The following PLEKHM2 variants were observed in gnomAD, a reference collection of about 807,000 sequenced individuals.
PLEKHM2 encodes pleckstrin homology domain-containing family M member 2.
A neutral mutation model predicts 116.3 loss-of-function variants in PLEKHM2; 77 were observed. That is an observed-to-expected ratio of 0.66 (90% CI 0.55 to 0.80). The LOEUF (loss-of-function observed/expected upper bound fraction) is 0.80. PLEKHM2 is among the 30% of genes least tolerant of loss of function. PLEKHM2 has a pLI of 0.00. For missense variants in PLEKHM2, 1,183 were observed against 1,354.9 expected, an observed-to-expected ratio of 0.87 and a Z score of 1.99; for synonymous variants, 562 against 571.0, an observed-to-expected ratio of 0.98 and a Z score of 0.22.
In PLEKHM2 at chr1:15,725,421, A is replaced by C; in HGVS notation, c.817A>C (p.Asn273His). 1 of 1,557,240 alleles carries C rather than the reference A, an allele frequency of 6.4e-7. No individual in the cohort carries two copies. Among genetic ancestry groups the C allele is most frequent in the Non-Finnish European group, 8.7e-7 (1 of 1,150,750 alleles). The change falls in exon 8 of 20, where the codon AAC becomes CAC. Residue 273 changes from asparagine to histidine, a missense_variant. Asn to His is a moderately conservative substitution (Grantham distance 68). Transcript: ENST00000375799. Reference sequence around the variant, plus strand: ...CCCCACCCAGCGCCAGAACCCCTTCAACGAGGAGCCGGCAGAGACTGTGTC... The same window carrying C: ...CCCCACCCAGCGCCAGAACCCCTTCCACGAGGAGCCGGCAGAGACTGTGTC... Reference protein sequence around the residue: ...RSPTQRQNPFNEEPAETVSSS... With the variant: ...RSPTQRQNPFHEEPAETVSSS...
chr1:15,688,458 C>T (rs1366993750), intron 1 of PLEKHM2, among the ~76,000 whole-genome samples: 1 of 152,104 alleles, frequency 6.6e-6, no homozygotes, highest in Non-Finnish European at 1.5e-5. Flanking sequence ...TCAAGACCAG[C>T]CTTGCCAACA....
At chr1:15,682,647 A>G (rs1389536020), upstream of PLEKHM2, among the ~76,000 whole-genome samples, 1 of 72,848 alleles carries the variant, frequency 1.4e-5, no homozygotes, top group South Asian at 3.1e-4. Context: ...ACAAAACAAA[A>G]AAAACAAAAA....
intron 1 of PLEKHM2, among the ~76,000 whole-genome samples, chr1:15,694,525 T>C (rs910261410): frequency 1.3e-5 from 2 of 152,112 alleles, no homozygotes; most frequent in Non-Finnish European, 2.9e-5. Context: ...TCCAGCCCTA[T>C]CCTCCTTGGT....
intron 1 of PLEKHM2, among the ~76,000 whole-genome samples, chr1:15,713,352 T>C (rs935322471): frequency 1.3e-5 from 2 of 152,194 alleles, no homozygotes; most frequent in African/African-American, 4.8e-5. Flanking sequence ...ACCAAGCTGT[T>C]GGCAATAGTA....
In PLEKHM2 at chr1:15,730,546, C is replaced by T. The variant is rs373658243; in HGVS notation, c.2223C>T (p.Thr741=). 2.0e-5 allele frequency: 31 copies of T among 1,587,902 alleles called. No individual in the cohort carries two copies. The highest frequency in any genetic ancestry group is 4.0e-5 in the African/African-American group (3 of 74,280). ...CCCCGCATCAGGCATCTGCTGTCACCGTGCGCTTCTACGGCCTTGTGCACT... is the reference window on the plus strand; with the variant it reads ...CCCCGCATCAGGCATCTGCTGTCACTGTGCGCTTCTACGGCCTTGTGCACT... The part of the protein sequence containing the change: ...QESKCEASAV[T]VRFYGLVHWE... The change falls in exon 15 of 20, where the codon ACC becomes ACT. Residue 741 remains threonine, a synonymous_variant. Coordinates refer to ENST00000375799, the MANE Select transcript of PLEKHM2 (RefSeq NM_015164.4).
chr1:15,733,650 C>A, intron 19 of PLEKHM2, 147 bp from the exon 20 acceptor site: 1 of 841,526 alleles, frequency 1.2e-6, no homozygotes. Context: ...GAGAAACTAG[C>A]AGCGTGGAAG....
intron 1 of PLEKHM2, among the ~76,000 whole-genome samples, chr1:15,705,136 C>T (rs1641198116): frequency 6.6e-6 from 1 of 151,162 alleles, no homozygotes; most frequent in Admixed American, 6.6e-5. Flanking sequence ...GATCCATTTC[C>T]ACAGCTGTGT....
intron 1 of PLEKHM2, among the ~76,000 whole-genome samples, chr1:15,688,649 CA>C (rs36016839): frequency 0.42 from 37,567 of 88,840 alleles, 5,813 homozygotes; most frequent in African/African-American, 0.62. Flanking sequence ...GACTCTGTCT[CA>C]AAAAAAAAAA....
In PLEKHM2 at chr1:15,684,460, C is replaced by A; in HGVS notation, c.-99C>A. On this transcript the variant is annotated 5_prime_UTR_variant, in exon 1 of 20. Transcript: ENST00000375799. ...CACGACGGAGCCCCCGTACGGCCGG[C>A]GGCAGCGGTTGGCGGCGGCCCCCGG... 1 of 640,764 alleles carries A rather than the reference C, an allele frequency of 1.6e-6. No homozygotes were observed. Among genetic ancestry groups the A allele is most frequent in the Non-Finnish European group, 1.9e-6 (1 of 516,706 alleles). 39.7% of individuals were successfully genotyped at this position (640,764 alleles called of 1,614,324 possible). A position where few individuals can be genotyped will look rare whatever the true frequency, so the allele number is the denominator to read the frequency against.
intron 1 of PLEKHM2, among the ~76,000 whole-genome samples, chr1:15,690,211 A>G (rs1640863028): frequency 6.6e-6 from 1 of 151,082 alleles, no homozygotes; most frequent in Non-Finnish European, 1.5e-5. Context: ...GATTACGGGC[A>G]CAGACCACCA....
chr1:15,684,633 C>T lies in PLEKHM2; in HGVS notation c.60+15C>T, dbSNP rs1296656776. 2 of 1,266,722 alleles carry T rather than the reference C, an allele frequency of 1.6e-6. No individual in the cohort carries two copies. The highest frequency in any genetic ancestry group is 3.0e-5 in the South Asian group (1 of 33,674). 78.5% of individuals were successfully genotyped at this position (1,266,722 alleles called of 1,614,324 possible). A position where few individuals can be genotyped will look rare whatever the true frequency, so the allele number is the denominator to read the frequency against. ...CGGTGAAGAAGGTGAGCGCGGCCTC[C>T]CTCCCGGCCGGGGCCCCTTCCTCGC... On this transcript the variant is annotated intron_variant, in intron 1 of 19. Transcript: ENST00000375799.
chr1:15,702,158 T>C (rs1641127994), intron 1 of PLEKHM2, among the ~76,000 whole-genome samples: 1 of 152,196 alleles, frequency 6.6e-6, no homozygotes, highest in South Asian at 2.1e-4. Flanking sequence ...CCAGTGACCA[T>C]GCTGTGAGTA....
At chr1:15,717,571 G>C (rs1641471493) in intron 3 of PLEKHM2, among the ~76,000 whole-genome samples, 1 of 152,348 alleles carries the variant, frequency 6.6e-6, no homozygotes, top group East Asian at 1.9e-4. Flanking sequence ...ATCCCAGCCT[G>C]AGCACGTGCT....
intron 1 of PLEKHM2, among the ~76,000 whole-genome samples, chr1:15,708,506 T>C (rs9659579): frequency 0.16 from 24,309 of 152,068 alleles, 3,598 homozygotes; most frequent in African/African-American, 0.4. Context: ...TGAGCCACTG[T>C]GCCCGGTCCG....
chr1:15,723,543 C>CA (rs1189558749), intron 7 of PLEKHM2, among the ~76,000 whole-genome samples: 2 of 151,564 alleles, frequency 1.3e-5, no homozygotes, highest in African/African-American at 2.4e-5. Context: ...AGTTTGAGAC[C>CA]AACCTGGGCA....
At chr1:15,720,061 C>A in intron 6 of PLEKHM2, 141 bp downstream of exon 6, 1 of 615,162 alleles carries the variant, frequency 1.6e-6, no homozygotes, top group African/African-American at 1.9e-5. Context: ...GGCCATTTCC[C>A]AGATCTTCAT....
intron 19 of PLEKHM2, 48 bp from the exon 20 acceptor site, chr1:15,733,749 C>G (rs768446334): frequency 8.8e-6 from 14 of 1,595,830 alleles, no homozygotes; most frequent in Non-Finnish European, 9.4e-6. Context: ...CTGAAGACTC[C>G]TGTGGCCCTC....
rs954099057 is a variant in PLEKHM2 at position 15,729,001 on chromosome 1, G to A, written c.1987-101G>A. ...GCTTTACTTGGTGGTGGCCCGGGGT[G>A]TGCTTCTTCCTCCCCAGCAAGCGCT... On this transcript the variant is annotated intron_variant, in intron 12 of 19. Coordinates refer to ENST00000375799, the MANE Select transcript of PLEKHM2 (RefSeq NM_015164.4). This position sits in a 1 kb window ranked among gnomAD's most constrained non-coding sequence, Gnocchi z 4.7. 24 of 1,098,404 alleles carry A rather than the reference G, an allele frequency of 2.2e-5. No individual in the cohort carries two copies. The South Asian group carries it at 2.6e-4, about 12-fold the overall frequency. The allele number at this position is 1,098,404 out of a possible 1,614,324, so 68.0% of individuals were successfully genotyped here.
In PLEKHM2 at chr1:15,725,553, G is replaced by A. The variant is rs1401594177; in HGVS notation, c.941+8G>A. 6.4e-7 allele frequency: 1 copy of A among 1,550,798 alleles called. No individual in the cohort carries two copies. Among genetic ancestry groups the A allele is most frequent in the Non-Finnish European group, 8.7e-7 (1 of 1,146,186 alleles). ...GGAGCTCGAGGTCATCAGGTCAGCA[G>A]GGAGGGGCCCAGAAAGGAGCTGAGG... On this transcript the variant is annotated splice_region_variant and intron_variant, in intron 8 of 19. Transcript: ENST00000375799.
Sources: allele counts gnomAD v4.1 joint callset (sites outside exome capture counted in the v4.1 genomes callset), GRCh38; gene constraint gnomAD v4.1.1; non-coding constraint Gnocchi (gnomAD v3.1); transcripts MANE v1.5; gene names NCBI Gene and HGNC (gene_info 2026-07-23, HGNC 2026-07-21).